Variants in RXRA observed in about 807,000 individuals in gnomAD.
RXRA encodes the protein retinoic acid receptor RXR-alpha.
In RXRA, 5 loss-of-function variants were observed where a neutral mutation model predicts 44.5. That is an observed-to-expected ratio of 0.11 (90% CI 0.06 to 0.24). RXRA has a LOEUF of 0.24. RXRA is among the 10% of genes least tolerant of loss of function. The pLI, the probability that RXRA is intolerant of heterozygous loss-of-function variation, is 1.00. For synonymous variants in RXRA, 291 were observed against 271.4 expected (o/e 1.07, Z -0.71); for missense variants, 412 against 646.5 (o/e 0.64, Z 3.93).
intron 6 of RXRA, among the ~76,000 whole-genome samples, chr9:134,428,008 G>A (rs114251178): frequency 6.6e-6 from 1 of 152,200 alleles, no homozygotes; most frequent in African/African-American, 2.4e-5. Flanking sequence ...CCCTGACTGT[G>A]TGACTGCAGG....
chr9:134,385,274 G>C (rs1830702746), intron 1 of RXRA, among the ~76,000 whole-genome samples: 1 of 152,232 alleles, frequency 6.6e-6, no homozygotes, highest in Non-Finnish European at 1.5e-5. Context: ...TTGTCCATTG[G>C]CTGATGGGCC....
rs1203700782 is a variant in RXRA, at chr9:134,326,490, C to G, written c.-142C>G. ...GTTGGGCGACTTTTGCAACAACTCG[C>G]CGCGCCGCGGCCTCCGCGCGCCGCC... On this transcript the variant is annotated 5_prime_UTR_variant, in exon 1 of 10. Transcript: ENST00000481739. The G allele has an allele frequency of 2.1e-5, 3 of 142,940 alleles. No individual in the cohort carries two copies. Among genetic ancestry groups the G allele is most frequent in the East Asian group, 4.2e-4 (2 of 4,776 alleles). 8.9% of individuals were successfully genotyped at this position (142,940 alleles called of 1,614,324 possible). A position where few individuals can be genotyped will look rare whatever the true frequency, so the allele number is the denominator to read the frequency against.
chr9:134,397,006 T>TGCCACCTTCTCTGCCTCCCCC (rs1830890086), intron 1 of RXRA, among the ~76,000 whole-genome samples: 2 of 152,202 alleles, frequency 1.3e-5, no homozygotes, highest in Non-Finnish European at 2.9e-5. Flanking sequence ...TGGCATTTCC[T>TGCCACCTTCTCTGCCTCCCCC]GCCACCTTCT....
At position 134,417,133 on chromosome 9, in the gene RXRA, C is replaced by T. The variant is rs1831246942; in HGVS notation, c.611-25C>T. ...GCCACTGGCCGGGCTGAGCGTGGGGCTCACCTGCGCCTCCCGGGTTGTAGC... is the reference window on the plus strand; with the variant it reads ...GCCACTGGCCGGGCTGAGCGTGGGGTTCACCTGCGCCTCCCGGGTTGTAGC... On this transcript the variant is annotated intron_variant, in intron 4 of 9. Transcript: ENST00000481739. This position sits in a 1 kb window ranked among gnomAD's most constrained non-coding sequence, Gnocchi z 6.1. 6.3e-7 allele frequency: 1 copy of T among 1,599,832 alleles called. No homozygotes were observed. The highest frequency in any genetic ancestry group is 8.5e-7 in the Non-Finnish European group (1 of 1,174,890).
intron 1 of RXRA, among the ~76,000 whole-genome samples, chr9:134,352,683 G>A (rs1462095474): frequency 2.6e-5 from 4 of 152,232 alleles, no homozygotes; most frequent in African/African-American, 4.8e-5. Context: ...CCAAGGAAAC[G>A]AGGTCAGGGC....
intron 1 of RXRA, among the ~76,000 whole-genome samples, chr9:134,382,644 G>A (rs1156635668): frequency 2.0e-5 from 3 of 152,068 alleles, no homozygotes; most frequent in Admixed American, 6.5e-5. Context: ...TTTGGGTTAC[G>A]AATCAGCCCC....
Position 134,427,023 on chromosome 9 carries a change from C to G in RXRA, c.911-2085C>G, listed in dbSNP as rs957981732. The G allele has an allele frequency of 2.6e-5, 26 of 982,142 alleles. No homozygotes were observed. The South Asian group carries it at 7.5e-4, about 28-fold the overall frequency. 60.8% of individuals were successfully genotyped at this position (982,142 alleles called of 1,614,324 possible). ...GGAGGGGCAGGAGTGGGAGTGGGCC[C>G]GGGGCTCCTGTCCAAGTCTCTGTGT... On this transcript the variant is annotated intron_variant, in intron 6 of 9. Coordinates refer to ENST00000481739, the MANE Select transcript of RXRA (RefSeq NM_002957.6).
chr9:134,392,009 A>T (rs1025126908), intron 1 of RXRA, among the ~76,000 whole-genome samples: 1 of 152,206 alleles, frequency 6.6e-6, no homozygotes, highest in Admixed American at 6.5e-5. Context: ...GCTGCGGCCT[A>T]CGGCAGCTCT....
chr9:134,352,716 G>A (rs543050563), intron 1 of RXRA, among the ~76,000 whole-genome samples: 21 of 152,312 alleles, frequency 1.4e-4, no homozygotes, highest in Non-Finnish European at 2.5e-4. Context: ...ATCTGGGGCG[G>A]GCAGTGTGGG....
chr9:134,350,079 G>T (rs532699698), intron 1 of RXRA, among the ~76,000 whole-genome samples: 2 of 151,966 alleles, frequency 1.3e-5, no homozygotes, highest in Non-Finnish European at 2.9e-5. Context: ...TGTGTGTAGG[G>T]GGGGGTGGAA....
intron 1 of RXRA, among the ~76,000 whole-genome samples, chr9:134,358,108 A>G (rs983070900): frequency 1.3e-5 from 2 of 152,260 alleles, no homozygotes; most frequent in Non-Finnish European, 2.9e-5. Flanking sequence ...GCCGCTTCCA[A>G]GAGGGCTGCT....
intron 4 of RXRA, among the ~76,000 whole-genome samples, chr9:134,409,432 T>C (rs1564289438): frequency 6.6e-6 from 1 of 152,214 alleles, no homozygotes; most frequent in African/African-American, 2.4e-5. Context: ...AGCTGTTGGA[T>C]GCCAGGGGTG....
At chr9:134,364,598 C>T (rs1383858704) in intron 1 of RXRA, among the ~76,000 whole-genome samples, 1 of 152,212 alleles carries the variant, frequency 6.6e-6, no homozygotes, top group East Asian at 1.9e-4. Context: ...TGGCCTTGGC[C>T]CCTGCAGACC....
chr9:134,349,512 G>A lies in RXRA; in HGVS notation c.28+22853G>A, dbSNP rs1388726065. Among the ~76,000 whole-genome samples, 1 of 152,156 alleles carries A rather than the reference G, an allele frequency of 6.6e-6. No homozygotes were observed. Among genetic ancestry groups the A allele is most frequent in the Non-Finnish European group, 1.5e-5 (1 of 68,016 alleles). On this transcript the variant is annotated intron_variant, in intron 1 of 9. Coordinates refer to ENST00000481739, the MANE Select transcript of RXRA (RefSeq NM_002957.6). This position sits in a 1 kb window ranked among gnomAD's most constrained non-coding sequence, Gnocchi z 4.3. ...GGCAGTGGTGCTGCGGGGGTGGCTC[G>A]GCCCTGAAGCTCGTGGCGGGCAGGA...
At chr9:134,422,884 C>T (rs1831371100) in intron 6 of RXRA, 6 of 985,478 alleles carry the variant, frequency 6.1e-6, no homozygotes, top group Middle Eastern at 5.2e-4. Flanking sequence ...CCCAGGAGAG[C>T]CACGTGCTCT....
Position 134,368,654 on chromosome 9 carries a change from T to G in RXRA, c.29-32978T>G, listed in dbSNP as rs374409375. Among the ~76,000 whole-genome samples the G allele has an allele frequency of 1.1e-3, 168 of 149,872 alleles. 1 individual carries two copies. Among genetic ancestry groups the G allele is most frequent in the African/African-American group, 4.0e-3 (163 of 40,724 alleles). ...TGGCTGTGTGGTGTGTGTGTGAGGGTGTGTGTGTGTGACTGAGGATGTATG... is the reference window on the plus strand; with the variant it reads ...TGGCTGTGTGGTGTGTGTGTGAGGGGGTGTGTGTGTGACTGAGGATGTATG... On this transcript the variant is annotated intron_variant, in intron 1 of 9. Transcript: ENST00000481739.
At chr9:134,393,696 C>T (rs1291165743) in intron 1 of RXRA, among the ~76,000 whole-genome samples, 2 of 152,174 alleles carry the variant, frequency 1.3e-5, no homozygotes, top group Non-Finnish European at 2.9e-5. Flanking sequence ...CCCTCATGCC[C>T]CAGTTAGTGA....
chr9:134,426,616 A>G lies in RXRA; in HGVS notation c.911-2492A>G. The G allele has an allele frequency of 1.0e-6, 1 of 985,394 alleles. No individual in the cohort carries two copies. The highest frequency in any genetic ancestry group is 1.2e-6 in the Non-Finnish European group (1 of 829,922). The allele number at this position is 985,394 out of a possible 1,614,324, so 61.0% of individuals were successfully genotyped here. A position where few individuals can be genotyped will look rare whatever the true frequency, so the allele number is the denominator to read the frequency against. ...CAGCGCCTTCTGACCCCAGCCGTGCACTAGGCCCCTCTGCTGGGCACACCA... is the reference window on the plus strand; with the variant it reads ...CAGCGCCTTCTGACCCCAGCCGTGCGCTAGGCCCCTCTGCTGGGCACACCA... On this transcript the variant is annotated intron_variant, in intron 6 of 9. Transcript: ENST00000481739. This position sits in a 1 kb window ranked among gnomAD's most constrained non-coding sequence, Gnocchi z 4.6.
chr9:134,391,851 G>C (rs979778394), intron 1 of RXRA, among the ~76,000 whole-genome samples: 5 of 152,234 alleles, frequency 3.3e-5, no homozygotes, highest in African/African-American at 1.2e-4. Flanking sequence ...TCCGGGCTTG[G>C]AAACATCTCG....
Sources: allele counts gnomAD v4.1 joint callset (sites outside exome capture counted in the v4.1 genomes callset), GRCh38; gene constraint gnomAD v4.1.1; non-coding constraint Gnocchi (gnomAD v3.1); transcripts MANE v1.5; gene names NCBI Gene and HGNC (gene_info 2026-07-23, HGNC 2026-07-21).